Variants in CERS4 observed in about 807,000 individuals in gnomAD.
CERS4 encodes ceramide synthase 4, also known as LAG1 homolog, ceramide synthase 4.
A neutral mutation model predicts 51.8 loss-of-function variants in CERS4; 65 were observed. That is an observed-to-expected ratio of 1.26 (90% confidence interval 1.03 to 1.54). The LOEUF (loss-of-function observed/expected upper bound fraction) is 1.54, where lower values mean the gene tolerates loss of function less well. Among genes scored for constraint, CERS4 ranks in the 40% most tolerant of loss-of-function variants. The probability of loss-of-function intolerance (pLI) is 0.00; values close to 1 mark genes in which losing one functional copy is unlikely to be tolerated. For synonymous variants in CERS4, 228 were observed against 208.4 expected (o/e 1.09, Z -0.81); for missense variants, 563 against 500.4 (o/e 1.13, Z -1.19).
At chr19:8,233,717 T>C (rs866243873) in intron 2 of CERS4, among the ~76,000 whole-genome samples, 1 of 152,064 alleles carries the variant, frequency 6.6e-6, no homozygotes, top group Non-Finnish European at 1.5e-5. Context: ...AATTAAAAAA[T>C]TTTTTAATTG....
At chr19:8,227,954 T>C (rs1442330453) in intron 2 of CERS4, among the ~76,000 whole-genome samples, 1 of 152,190 alleles carries the variant, frequency 6.6e-6, no homozygotes, top group East Asian at 1.9e-4. Context: ...CTCTGCCTCC[T>C]GGGTTCAAGC....
At position 8,222,360 on chromosome 19, in the gene CERS4, G is replaced by A. The variant is rs538398150; in HGVS notation, c.-2+11498G>A. On this transcript the variant is annotated intron_variant, in intron 2 of 11. Transcript: ENST00000251363. ...GCCCAGCTAATTTTTGTATTTTTTT[G>A]TAGAGATGGGGTTTCACCATGTTGG... 1.6e-3 allele frequency among the ~76,000 whole-genome samples: 238 copies of A among 151,510 alleles called. 1 individual carries two copies. Among genetic ancestry groups the A allele is most frequent in the African/African-American group, 5.4e-3 (224 of 41,306 alleles).
chr19:8,256,720 A>G lies in CERS4; in HGVS notation c.612+10A>G. Reference sequence around the variant, plus strand: ...TGATGTCAAGCGCAAGGTGAGGCCAAATAAGAGTCTGGAAGACCCAGTCTC... The same window carrying G: ...TGATGTCAAGCGCAAGGTGAGGCCAGATAAGAGTCTGGAAGACCCAGTCTC... On this transcript the variant is annotated intron_variant, in intron 8 of 11. Transcript: ENST00000251363. 4 of 1,610,988 alleles carry G rather than the reference A, an allele frequency of 2.5e-6. No individual in the cohort carries two copies. The highest frequency in any genetic ancestry group is 3.4e-6 in the Non-Finnish European group (4 of 1,178,614).
intron 4 of CERS4, 92 bp from the exon 5 acceptor site, chr19:8,255,515 A>G: frequency 1.8e-6 from 2 of 1,082,882 alleles, no homozygotes; most frequent in African/African-American, 1.6e-5. Context: ...GTGGGCCTGC[A>G]GTGGAGAGGG....
chr19:8,223,487 C>T (rs1967647032), intron 2 of CERS4, among the ~76,000 whole-genome samples: 1 of 151,902 alleles, frequency 6.6e-6, no homozygotes, highest in South Asian at 2.1e-4. Flanking sequence ...GGCATGGTTG[C>T]ACACGCCTGT....
chr19:8,229,095 G>T (rs1967903146), intron 2 of CERS4, among the ~76,000 whole-genome samples: 2 of 151,878 alleles, frequency 1.3e-5, no homozygotes, highest in African/African-American at 4.8e-5. Context: ...GGAGGCTGAG[G>T]CAGGCGGATC....
At chr19:8,219,113 A>G (rs1967424496) in intron 2 of CERS4, among the ~76,000 whole-genome samples, 1 of 152,140 alleles carries the variant, frequency 6.6e-6, no homozygotes, top group South Asian at 2.1e-4. Context: ...AGGCTGAGGC[A>G]GGAGAATCAC....
intron 2 of CERS4, among the ~76,000 whole-genome samples, chr19:8,212,693 C>T (rs1420613539): frequency 1.3e-5 from 2 of 152,048 alleles, no homozygotes; most frequent in South Asian, 2.1e-4. Flanking sequence ...GGCTGGAGTG[C>T]AATGGTGCGA....
intron 10 of CERS4, among the ~76,000 whole-genome samples, chr19:8,258,841 TAAATC>T (rs1464605857): frequency 7.8e-6 from 1 of 128,380 alleles, no homozygotes; most frequent in Non-Finnish European, 1.7e-5. Flanking sequence ...GACTTTGTCT[TAAATC>T]AAATTGGCCA....
intron 2 of CERS4, among the ~76,000 whole-genome samples, chr19:8,220,609 C>A (rs1019012128): frequency 2.0e-5 from 3 of 151,566 alleles, no homozygotes; most frequent in Non-Finnish European, 4.4e-5. Context: ...CCGGCTGAGC[C>A]TCCCTACCTG....
chr19:8,251,833 C>A (rs1266225479), intron 3 of CERS4, among the ~76,000 whole-genome samples: 2 of 151,762 alleles, frequency 1.3e-5, no homozygotes, highest in Admixed American at 6.6e-5. Context: ...GGGTGTTATC[C>A]CATCCCAAAG....
At chr19:8,247,269 C>A (rs1968828468) in intron 2 of CERS4, among the ~76,000 whole-genome samples, 1 of 151,980 alleles carries the variant, frequency 6.6e-6, no homozygotes, top group African/African-American at 2.4e-5. Context: ...CTCCCTCTCT[C>A]CCCCTTGCTC....
At chr19:8,235,716 T>TC (rs1364183677) in intron 2 of CERS4, among the ~76,000 whole-genome samples, 2 of 150,864 alleles carry the variant, frequency 1.3e-5, no homozygotes, top group Admixed American at 1.3e-4. Flanking sequence ...AGTGAGACCC[T>TC]CCCCCCAATC....
At chr19:8,235,149 C>T (rs1045878830) in intron 2 of CERS4, among the ~76,000 whole-genome samples, 2 of 151,526 alleles carry the variant, frequency 1.3e-5, no homozygotes, top group Non-Finnish European at 2.9e-5. Context: ...GCTGGGATTA[C>T]AGGCACACAC....
At position 8,261,950 on chromosome 19, in the gene CERS4, T is replaced by C. The variant is rs772061570; in HGVS notation, c.1026T>C (p.Ser342=). 1 of 1,607,730 alleles carries C rather than the reference T, an allele frequency of 6.2e-7. No individual in the cohort carries two copies. The highest frequency in any genetic ancestry group is 8.5e-7 in the Non-Finnish European group (1 of 1,177,104). ...KKGQMEKDIR[S]DVEESDSSEE... ...CCCAGATGGAGAAGGACATTCGTAG[T>C]GATGTAGAAGAATCAGACTCCAGTG... The change falls in exon 12 of 12, where the codon AGT becomes AGC. Residue 342 remains serine, a synonymous_variant. Coordinates refer to ENST00000251363, the MANE Select transcript of CERS4 (RefSeq NM_024552.3).
chr19:8,255,537 C>A, intron 4 of CERS4, 70 bp from the exon 5 acceptor site: 3 of 1,374,150 alleles, frequency 2.2e-6, no homozygotes, highest in Non-Finnish European at 3.0e-6. Flanking sequence ...AGAGCCAAGT[C>A]CTGTCTGGGG....
chr19:8,225,904 T>C (rs1967767782), intron 2 of CERS4, among the ~76,000 whole-genome samples: 1 of 151,778 alleles, frequency 6.6e-6, no homozygotes, highest in Admixed American at 6.6e-5. Context: ...ATCTGTGAAA[T>C]GAGAATGGTG....
chr19:8,223,490 AC>A (rs1967647385), intron 2 of CERS4, among the ~76,000 whole-genome samples: 2 of 152,006 alleles, frequency 1.3e-5, no homozygotes, highest in South Asian at 4.1e-4. Flanking sequence ...ATGGTTGCAC[AC>A]GCCTGTAATC....
chr19:8,255,766 C>A, intron 5 of CERS4, 41 bp downstream of exon 5: 1 of 1,518,776 alleles, frequency 6.6e-7, no homozygotes, highest in Non-Finnish European at 9.1e-7. Flanking sequence ...GGGAAGCGGG[C>A]CGGGGTGGGG....
Sources: gnomAD v4.1 joint callset for allele counts (sites outside exome capture counted in the v4.1 genomes callset) on GRCh38, gnomAD v4.1.1 for gene constraint, MANE v1.5 for transcripts, NCBI Gene and HGNC (gene_info 2026-07-23, HGNC 2026-07-21) for gene names.